The following SECISBP2L variants were observed in gnomAD, a reference collection of about 807,000 sequenced individuals.
SECISBP2L encodes selenocysteine insertion sequence-binding protein 2-like.
A neutral mutation model predicts 114.7 loss-of-function variants in SECISBP2L; 43 were observed. That is an observed-to-expected ratio of 0.38 (90% CI 0.29 to 0.48). The LOEUF (loss-of-function observed/expected upper bound fraction) is 0.48, where lower values mean the gene tolerates loss of function less well. Ranked by LOEUF, SECISBP2L falls within the 20% of genes least tolerant of loss-of-function variation. SECISBP2L has a pLI of 0.98. For synonymous variants in SECISBP2L, 451 were observed against 439.7 expected, an observed-to-expected ratio of 1.03 and a Z score of -0.32; for missense variants, 1,136 against 1,301.1, an observed-to-expected ratio of 0.87 and a Z score of 1.95.
intron 3 of SECISBP2L, 83 bp downstream of exon 3, chr15:49,035,251 T>C: frequency 3.4e-6 from 4 of 1,186,630 alleles, no homozygotes; most frequent in Non-Finnish European, 4.8e-6. Context: ...TCAGCATTAA[T>C]GGTCAATCAA....
intron 1 of SECISBP2L, 55 bp downstream of exon 1, chr15:49,046,221 G>C: frequency 6.4e-7 from 1 of 1,559,356 alleles, no homozygotes; most frequent in Non-Finnish European, 8.7e-7. Flanking sequence ...CCTGGCCTGT[G>C]AGGAAGCGGC....
chr15:49,035,463 G>A lies in SECISBP2L; in HGVS notation c.399C>T (p.Thr133=). ...YHPFPTPYSN[T]FQAANTVNAI... Reference sequence around the variant, plus strand: ...CATTTACAGTATTTGCAGCCTGAAAGGTGTTGGAGTAAGGTGTAGGAAAAG... The same window carrying A: ...CATTTACAGTATTTGCAGCCTGAAAAGTGTTGGAGTAAGGTGTAGGAAAAG... Residue 133 remains threonine (T), a synonymous_variant, in exon 3 of 18, where the codon ACC becomes ACT. Coordinates refer to ENST00000559471, the MANE Select transcript of SECISBP2L (RefSeq NM_001193489.2). 1 of 1,614,154 alleles carries A rather than the reference G, an allele frequency of 6.2e-7. No homozygotes were observed. Among genetic ancestry groups the A allele is most frequent in the African/African-American group, 1.3e-5 (1 of 75,042 alleles).
chr15:49,021,886 A>G (rs1902645734), intron 7 of SECISBP2L, among the ~76,000 whole-genome samples: 1 of 152,180 alleles, frequency 6.6e-6, no homozygotes, highest in South Asian at 2.1e-4. Context: ...CAGCTCTTCT[A>G]AGAAAGAGTT....
intron 2 of SECISBP2L, among the ~76,000 whole-genome samples, chr15:49,036,117 A>G (rs12592504): frequency 0.16 from 24,847 of 152,038 alleles, 3,261 homozygotes; most frequent in African/African-American, 0.36. Flanking sequence ...TTTCAGCTCA[A>G]TCTCAGAGCC....
At chr15:49,026,151 C>G (rs1255660954) in intron 7 of SECISBP2L, among the ~76,000 whole-genome samples, 2 of 152,100 alleles carry the variant, frequency 1.3e-5, no homozygotes, top group Non-Finnish European at 2.9e-5. Context: ...CACGTTGTCA[C>G]TCACATGTGG....
At chr15:49,037,905 G>A (rs1055638941) in intron 1 of SECISBP2L, 136 bp from the exon 2 acceptor site, 2 of 555,906 alleles carry the variant, frequency 3.6e-6, no homozygotes, top group Non-Finnish European at 5.7e-6. Flanking sequence ...ACATCCAAAA[G>A]GAAGAGCAAT....
At chr15:49,013,978 C>A (rs1318199511) in intron 11 of SECISBP2L, among the ~76,000 whole-genome samples, 2 of 152,066 alleles carry the variant, frequency 1.3e-5, no homozygotes, top group African/African-American at 4.8e-5. Context: ...CCAACTAAAC[C>A]CTTCCCTTCA....
At chr15:49,030,363 T>A (rs781402059) in intron 4 of SECISBP2L, among the ~76,000 whole-genome samples, 3 of 152,188 alleles carry the variant, frequency 2.0e-5, no homozygotes, top group Non-Finnish European at 4.4e-5. Flanking sequence ...CCTCTCTTTC[T>A]AGGGGGAGGC....
At chr15:49,032,931 A>G (rs1464969110) in intron 4 of SECISBP2L, 34 bp downstream of exon 4, 1 of 1,603,182 alleles carries the variant, frequency 6.2e-7, no homozygotes, top group South Asian at 1.1e-5. Flanking sequence ...ACAGATAAAA[A>G]TCAGTGACGC....
chr15:48,991,737 T>C lies in SECISBP2L; in HGVS notation c.*507A>G, dbSNP rs1901981227. The C allele has an allele frequency of 1.3e-5, 2 of 152,678 alleles. No homozygotes were observed. Among genetic ancestry groups the C allele is most frequent in the Non-Finnish European group, 2.9e-5 (2 of 68,404 alleles). The allele number at this position is 152,678 out of a possible 1,614,324, so 9.5% of individuals were successfully genotyped here. Reference sequence around the variant, plus strand: ...TCTGACTAAACATTTGTGGACCACATAAAAGTTGCATTGATTTTTTAACAT... The same window carrying C: ...TCTGACTAAACATTTGTGGACCACACAAAAGTTGCATTGATTTTTTAACAT... On this transcript the variant is annotated 3_prime_UTR_variant, in exon 18 of 18. Coordinates refer to ENST00000559471, the MANE Select transcript of SECISBP2L (RefSeq NM_001193489.2).
intron 1 of SECISBP2L, among the ~76,000 whole-genome samples, chr15:49,045,203 T>C (rs1371540057): frequency 6.6e-6 from 1 of 152,060 alleles, no homozygotes; most frequent in Non-Finnish European, 1.5e-5. Flanking sequence ...AAGTCTTCTG[T>C]AAAAACAAGT....
In SECISBP2L at chr15:48,988,697, C is replaced by A. The variant is rs1262334284; in HGVS notation, c.*3547G>T. 4.7e-6 allele frequency: 2 copies of A among 428,356 alleles called. No individual in the cohort carries two copies. The highest frequency in any genetic ancestry group is 9.4e-6 in the Non-Finnish European group (2 of 212,736). The allele number at this position is 428,356 out of a possible 1,614,324, so 26.5% of individuals were successfully genotyped here. ...AATCCCCACTAGTATTTACATAGTG[C>A]AAAAAAGCTGTTATTACCCCCCAAA... On this transcript the variant is annotated 3_prime_UTR_variant, in exon 18 of 18. Coordinates refer to ENST00000559471, the MANE Select transcript of SECISBP2L (RefSeq NM_001193489.2).
At chr15:49,025,274 A>T (rs1902717848) in intron 7 of SECISBP2L, among the ~76,000 whole-genome samples, 1 of 152,140 alleles carries the variant, frequency 6.6e-6, no homozygotes, top group Non-Finnish European at 1.5e-5. Context: ...GGTACATATG[A>T]AGTACAGGTT....
At chr15:49,024,910 G>C (rs958115450) in intron 7 of SECISBP2L, among the ~76,000 whole-genome samples, 1 of 152,106 alleles carries the variant, frequency 6.6e-6, no homozygotes, top group African/African-American at 2.4e-5. Flanking sequence ...TATTTGCAAA[G>C]TTTTCTTTTT....
chr15:49,009,103 G>C (rs751731209), intron 14 of SECISBP2L, 113 bp downstream of exon 14: 3 of 1,153,728 alleles, frequency 2.6e-6, no homozygotes, highest in Non-Finnish European at 3.7e-6. Flanking sequence ...AGGAGTTAAA[G>C]ATCTCTGGTC....
intron 7 of SECISBP2L, among the ~76,000 whole-genome samples, chr15:49,021,028 C>T (rs1051737125): frequency 3.9e-5 from 6 of 152,074 alleles, no homozygotes; most frequent in African/African-American, 7.3e-5. Flanking sequence ...ATACGCCCTC[C>T]GCCCACGAGA....
At chr15:49,008,734 G>C (rs1243730997) in intron 14 of SECISBP2L, among the ~76,000 whole-genome samples, 1 of 152,086 alleles carries the variant, frequency 6.6e-6, no homozygotes, top group Admixed American at 6.6e-5. Context: ...TTCACAGATG[G>C]GGTATCATAT....
At chr15:49,039,561 G>A in intron 1 of SECISBP2L, among the ~76,000 whole-genome samples, 1 of 136,874 alleles carries the variant, frequency 7.3e-6, no homozygotes, top group African/African-American at 2.8e-5. Context: ...GTCTCGCTCT[G>A]TCACGGGGTG....
In SECISBP2L at chr15:49,020,005, T is replaced by C. The variant is rs184503734; in HGVS notation, c.1036-453A>G. 6.8e-4 allele frequency among the ~76,000 whole-genome samples: 103 copies of C among 152,322 alleles called. No homozygotes were observed. The Middle Eastern group carries it at 0.017, about 25-fold the overall frequency. On this transcript the variant is annotated intron_variant, in intron 7 of 17. Coordinates refer to ENST00000559471, the MANE Select transcript of SECISBP2L (RefSeq NM_001193489.2). The stretch of plus-strand genomic sequence containing the variant: ...GACTGTATGAAGGCATACAAAATTA[T>C]TGAAACAACAAAATTAGAAAGGGAG...
Sources: allele counts gnomAD v4.1 joint callset (sites outside exome capture counted in the v4.1 genomes callset), GRCh38; gene constraint gnomAD v4.1.1; transcripts MANE v1.5; gene names NCBI Gene and HGNC (gene_info 2026-07-23, HGNC 2026-07-21).